Variants in SLC4A4 observed in about 807,000 individuals in gnomAD.
SLC4A4 encodes electrogenic sodium bicarbonate cotransporter 1.
A neutral mutation model predicts 111.5 loss-of-function variants in SLC4A4; 27 were observed. The observed-to-expected ratio is 0.24, with a 90% CI of 0.18 to 0.33. The LOEUF (loss-of-function observed/expected upper bound fraction) is 0.33, where lower values mean the gene tolerates loss of function less well. SLC4A4 is among the 10% of genes least tolerant of loss of function. The pLI is 1.00. For missense variants in SLC4A4, 909 were observed against 1,315.5 expected (o/e 0.69, Z 4.78); for synonymous variants, 443 against 463.4 (o/e 0.96, Z 0.57).
At chr4:71,330,110 G>A (rs778344789) in intron 3 of SLC4A4, among the ~76,000 whole-genome samples, 18 of 152,058 alleles carry the variant, frequency 1.2e-4, no homozygotes, top group Non-Finnish European at 1.9e-4. Context: ...GATGTATCAC[G>A]TTAATTGATT....
chr4:71,427,302 A>G (rs1466371762), intron 7 of SLC4A4, among the ~76,000 whole-genome samples: 1 of 152,070 alleles, frequency 6.6e-6, no homozygotes, highest in Admixed American at 6.6e-5. Context: ...CATGAATGTT[A>G]CTGAATGCAT....
At chr4:71,437,029 G>C in intron 7 of SLC4A4, 1 of 370,026 alleles carries the variant, frequency 2.7e-6, no homozygotes, top group Non-Finnish European at 5.3e-6. Context: ...TAGGCCAATG[G>C]TCCAATTAGT....
chr4:71,461,215 C>G (rs895425455), intron 12 of SLC4A4, among the ~76,000 whole-genome samples: 1 of 152,032 alleles, frequency 6.6e-6, no homozygotes, highest in Admixed American at 6.6e-5. Flanking sequence ...GCCTGAAACA[C>G]GACAGTAATG....
chr4:71,087,759 G>T (rs990387290), intron 1 of SLC4A4, among the ~76,000 whole-genome samples: 2 of 152,156 alleles, frequency 1.3e-5, no homozygotes, highest in East Asian at 3.9e-4. Flanking sequence ...ATTGCACTGT[G>T]GTCTGAGAGA....
chr4:71,385,189 A>ATT lies in SLC4A4; in HGVS notation c.731-12387_731-12386insTT, dbSNP rs1194914064. Among the ~76,000 whole-genome samples, 119 of 14,934 alleles carry ATT rather than the reference A, an allele frequency of 8.0e-3. 4 individuals carry two copies. Among genetic ancestry groups the ATT allele is most frequent in the East Asian group, 0.013 (10 of 792 alleles). The allele number at this position is 14,934 out of a possible 152,430, so 9.8% of individuals were successfully genotyped here. The stretch of plus-strand genomic sequence containing the variant: ...GTTAGATTTATATATATATATATAT[A>ATT]TATTTTTTTTTTTTTTTTTTTTTTT... On this transcript the variant is annotated intron_variant, in intron 6 of 25. Transcript: ENST00000264485.
At chr4:71,256,637 G>T (rs913245806) in intron 3 of SLC4A4, among the ~76,000 whole-genome samples, 8 of 152,150 alleles carry the variant, frequency 5.3e-5, no homozygotes, top group Non-Finnish European at 8.8e-5. Context: ...GAAGTACTGG[G>T]GGAAGGTCTG....
At chr4:71,358,240 G>T (rs952165614) in intron 6 of SLC4A4, among the ~76,000 whole-genome samples, 13 of 151,852 alleles carry the variant, frequency 8.6e-5, no homozygotes, top group Admixed American at 7.9e-4. Flanking sequence ...GCTTAAACCC[G>T]GGAGGGGGAG....
intron 2 of SLC4A4, among the ~76,000 whole-genome samples, chr4:71,239,819 C>T (rs566638201): frequency 9.2e-5 from 14 of 152,134 alleles, no homozygotes; most frequent in Non-Finnish European, 2.1e-4. Flanking sequence ...TTACCTTGTA[C>T]TATGCGTGGT....
intron 3 of SLC4A4, among the ~76,000 whole-genome samples, chr4:71,258,194 T>C (rs1721595931): frequency 6.6e-6 from 1 of 152,198 alleles, no homozygotes; most frequent in Non-Finnish European, 1.5e-5. Flanking sequence ...TACATTGATA[T>C]TGGAGTTCCT....
intron 1 of SLC4A4, among the ~76,000 whole-genome samples, chr4:71,220,548 A>G (rs1166775647): frequency 6.6e-6 from 1 of 152,158 alleles, no homozygotes; most frequent in East Asian, 1.9e-4. Flanking sequence ...ACCGTCTAAT[A>G]CCCAATTAAT....
intron 12 of SLC4A4, among the ~76,000 whole-genome samples, chr4:71,466,093 G>A (rs59226915): frequency 0.019 from 2,820 of 152,218 alleles, 79 homozygotes; most frequent in African/African-American, 0.063. Context: ...GCCACCAAAA[G>A]TACCAAGTCA....
rs140043271 is a variant in SLC4A4, at chr4:71,165,321, G to A, written c.-1-71255G>A. ...ACCAACCCAAATGCCCATCAATGAT[G>A]GTCTGGATAAAGAAAATGTGGCACA... On this transcript the variant is annotated intron_variant, in intron 2 of 26. Transcript: ENST00000649996. Among the ~76,000 whole-genome samples, 813 of 152,170 alleles carry A rather than the reference G, an allele frequency of 5.3e-3. 9 individuals are homozygous for A. The highest frequency in any genetic ancestry group is 0.019 in the African/African-American group (774 of 41,534).
chr4:71,397,464 A>C, intron 6 of SLC4A4, 113 bp from the exon 7 acceptor site: 1 of 955,156 alleles, frequency 1.0e-6, no homozygotes, highest in South Asian at 1.3e-5. Flanking sequence ...AGTGTGGTTA[A>C]AAGTATCATC....
At position 71,351,048 on chromosome 4, in the gene SLC4A4, T is replaced by C. The variant is rs963210150; in HGVS notation, c.550+976T>C. On this transcript the variant is annotated intron_variant, in intron 5 of 25. Transcript: ENST00000264485. ...ACTGATAGAAAATGGAAACAATGGC[T>C]CCAGTTTGGAATGCAGTGGTGTGTG... is the stretch of plus-strand genomic sequence containing the variant. Among the ~76,000 whole-genome samples, 80 of 152,140 alleles carry C rather than the reference T, an allele frequency of 5.3e-4. 1 individual carries two copies. Among genetic ancestry groups the C allele is most frequent in the Admixed American group, 2.6e-4 (4 of 15,274 alleles).
At chr4:71,245,357 G>C (rs1337556073) in intron 2 of SLC4A4, among the ~76,000 whole-genome samples, 3 of 152,182 alleles carry the variant, frequency 2.0e-5, no homozygotes, top group Admixed American at 6.6e-5. Flanking sequence ...GCTGGATGGA[G>C]ACAGTGTCCC....
intron 7 of SLC4A4, among the ~76,000 whole-genome samples, chr4:71,412,034 C>T (rs1721404230): frequency 6.6e-6 from 1 of 152,186 alleles, no homozygotes. Flanking sequence ...TAGATTAAGA[C>T]ATAATACGTT....
chr4:71,568,063 C>CCGTT lies in SLC4A4; in HGVS notation c.*314_*317dup, dbSNP rs1737660864. 13 of 531,534 alleles carry CCGTT rather than the reference C, an allele frequency of 2.4e-5. No individual in the cohort carries two copies. In the South Asian group the frequency reaches 3.2e-4, roughly 13 times the overall value. The allele number at this position is 531,534 out of a possible 1,614,324, so 32.9% of individuals were successfully genotyped here. On this transcript the variant is annotated 3_prime_UTR_variant, in exon 26 of 26. Coordinates refer to ENST00000264485, the MANE Select transcript of SLC4A4 (RefSeq NM_001098484.3). ...TAGACACAATCAAGACAATAGTGCA[C>CCGTT]CGTTCCTTAAAAACAGCATCTGAGG...
intron 7 of SLC4A4, among the ~76,000 whole-genome samples, chr4:71,435,161 C>T (rs1042377439): frequency 9.2e-5 from 14 of 152,146 alleles, no homozygotes; most frequent in African/African-American, 2.9e-4. Flanking sequence ...TCAAACTATA[C>T]TACAAGGCTA....
At chr4:71,490,090 A>G (rs1729764126) in intron 15 of SLC4A4, among the ~76,000 whole-genome samples, 2 of 151,822 alleles carry the variant, frequency 1.3e-5, no homozygotes, top group South Asian at 4.1e-4. Context: ...CAATTTTTCT[A>G]TAGATTTCTT....
Sources: allele counts gnomAD v4.1 joint callset (sites outside exome capture counted in the v4.1 genomes callset), GRCh38; gene constraint gnomAD v4.1.1; transcripts MANE v1.5; gene names NCBI Gene and HGNC (gene_info 2026-07-23, HGNC 2026-07-21).